FAF1: variants seen among roughly 807,000 people sequenced by gnomAD.
The protein encoded by FAF1 is Fas associated factor 1, also known as FAS-associated factor 1.
Under a neutral mutation model 92.5 loss-of-function variants are expected in FAF1, and 25 were observed. That is an observed-to-expected ratio of 0.27 (90% CI 0.20 to 0.38). The LOEUF (loss-of-function observed/expected upper bound fraction) is 0.38, where lower values mean the gene tolerates loss of function less well. Among genes scored for constraint, FAF1 ranks in the 10% least tolerant of loss-of-function variants. The pLI is 1.00. For missense variants in FAF1, 636 were observed against 793.3 expected, an observed-to-expected ratio of 0.80 and a Z score of 2.38; for synonymous variants, 234 against 273.2, an observed-to-expected ratio of 0.86 and a Z score of 1.42.
intron 1 of FAF1, among the ~76,000 whole-genome samples, chr1:50,934,855 G>C (rs971968429): frequency 4.0e-5 from 6 of 151,880 alleles, no homozygotes; most frequent in Non-Finnish European, 8.8e-5. Context: ...ATTATCCTCT[G>C]TATTCCACTG....
At chr1:50,724,276 T>TACACACACACACACAC (rs1281878722) in intron 6 of FAF1, among the ~76,000 whole-genome samples, 3 of 114,892 alleles carry the variant, frequency 2.6e-5, no homozygotes, top group Admixed American at 9.4e-5. Flanking sequence ...TATATACATA[T>TACACACACACACACAC]ACACACACAC....
intron 8 of FAF1, among the ~76,000 whole-genome samples, chr1:50,633,849 A>AT (rs1557446300): frequency 6.6e-6 from 1 of 152,160 alleles, no homozygotes; most frequent in Non-Finnish European, 1.5e-5. Context: ...GCTGTCTGTA[A>AT]TTTTATCTCT....
chr1:50,542,120 A>T (rs1181650334), intron 13 of FAF1, among the ~76,000 whole-genome samples: 1 of 152,312 alleles, frequency 6.6e-6, no homozygotes, highest in East Asian at 1.9e-4. Flanking sequence ...CAACCAGCTG[A>T]CACTTTATGG....
intron 4 of FAF1, chr1:50,780,483 C>T (rs12089747): frequency 0.11 from 20,469 of 184,798 alleles, 1,387 homozygotes; most frequent in African/African-American, 0.2. Flanking sequence ...CACACAACAC[C>T]GGTAGAGACA....
intron 4 of FAF1, among the ~76,000 whole-genome samples, chr1:50,757,220 TGAG>T (rs1313781768): frequency 1.3e-5 from 2 of 152,218 alleles, no homozygotes; most frequent in Admixed American, 6.5e-5. Flanking sequence ...GCTGTTATAA[TGAG>T]GAGTATTATA....
At chr1:50,547,704 G>A (rs543652807) in intron 13 of FAF1, among the ~76,000 whole-genome samples, 9 of 152,242 alleles carry the variant, frequency 5.9e-5, no homozygotes, top group Admixed American at 3.3e-4. Flanking sequence ...GTGAGCCACC[G>A]CGCCCGGCAA....
intron 1 of FAF1, among the ~76,000 whole-genome samples, chr1:50,906,955 G>C (rs1644844043): frequency 6.6e-6 from 1 of 152,158 alleles, no homozygotes; most frequent in Non-Finnish European, 1.5e-5. Flanking sequence ...CCTGTCTTGT[G>C]ACAGTTTTCA....
chr1:50,917,624 A>AAAAGGAAAGGAAAAAGG (rs1644928078), intron 1 of FAF1, among the ~76,000 whole-genome samples: 1 of 72,248 alleles, frequency 1.4e-5, no homozygotes, highest in Non-Finnish European at 2.7e-5. Context: ...AGGGAAAGGA[A>AAAAGGAAAGGAAAAAGG]AAAGGAAAGG....
chr1:50,470,756 G>A (rs1646561654), intron 18 of FAF1: 3 of 152,190 alleles, frequency 2.0e-5, no homozygotes, highest in Admixed American at 2.0e-4. Flanking sequence ...AAGTTCAGCA[G>A]GGTCAAGTAA....
intron 17 of FAF1, among the ~76,000 whole-genome samples, chr1:50,478,942 T>C (rs982520350): frequency 3.9e-5 from 6 of 152,220 alleles, no homozygotes; most frequent in African/African-American, 1.4e-4. Context: ...AGTTTCAAAG[T>C]CAACATATCT....
intron 13 of FAF1, among the ~76,000 whole-genome samples, chr1:50,545,323 G>A (rs1648956585): frequency 6.6e-6 from 1 of 152,144 alleles, no homozygotes; most frequent in African/African-American, 2.4e-5. Context: ...CACCCAGGCT[G>A]GAGTGCAGTG....
Position 50,764,291 on chromosome 1 carries a change from T to G in FAF1, c.368-19516A>C, listed in dbSNP as rs1300891674. On this transcript the variant is annotated intron_variant, in intron 4 of 18. Transcript: ENST00000396153. ...CCTGTGTGCGACAAAGTCTTTTTCC[T>G]CTGGTGGGAAGGAATTCAATAGTAT... 3.3e-5 allele frequency among the ~76,000 whole-genome samples: 5 copies of G among 152,172 alleles called. No homozygotes were observed. In the East Asian group the frequency reaches 9.6e-4, roughly 29 times the overall value.
At chr1:50,521,032 T>C (rs1449301329) in intron 15 of FAF1, among the ~76,000 whole-genome samples, 3 of 152,200 alleles carry the variant, frequency 2.0e-5, no homozygotes, top group African/African-American at 4.8e-5. Flanking sequence ...CTGTTTTTTA[T>C]ATATTAATTC....
At chr1:50,701,594 G>A (rs1299589978) in intron 7 of FAF1, among the ~76,000 whole-genome samples, 1 of 152,080 alleles carries the variant, frequency 6.6e-6, no homozygotes, top group Non-Finnish European at 1.5e-5. Flanking sequence ...AGTTAAGAAA[G>A]TAGCAAGTAG....
At chr1:50,700,837 T>C (rs1282243341) in intron 7 of FAF1, among the ~76,000 whole-genome samples, 4 of 152,146 alleles carry the variant, frequency 2.6e-5, no homozygotes, top group African/African-American at 9.6e-5. Context: ...CAATCCAGAT[T>C]ATTCTAAAAT....
intron 7 of FAF1, among the ~76,000 whole-genome samples, chr1:50,689,993 C>CTTT (rs1159221059): frequency 3.0e-4 from 37 of 122,326 alleles, no homozygotes; most frequent in Non-Finnish European, 3.8e-4. Context: ...CATTATATTT[C>CTTT]TTTTTTTTTT....
At chr1:50,541,287 G>T (rs1483214858) in intron 13 of FAF1, among the ~76,000 whole-genome samples, 2 of 152,160 alleles carry the variant, frequency 1.3e-5, no homozygotes, top group African/African-American at 4.8e-5. Flanking sequence ...TTCATTGGAA[G>T]GCAGGTTTAA....
chr1:50,546,486 T>C (rs1159318060), intron 13 of FAF1, among the ~76,000 whole-genome samples: 2 of 151,988 alleles, frequency 1.3e-5, no homozygotes, highest in East Asian at 3.9e-4. Context: ...CTGCCTCAGC[T>C]ACCTGAGTAG....
intron 8 of FAF1, among the ~76,000 whole-genome samples, chr1:50,638,705 A>T (rs928136850): frequency 6.6e-6 from 1 of 152,026 alleles, no homozygotes; most frequent in Non-Finnish European, 1.5e-5. Context: ...TGGCTTCCCA[A>T]AGTGCTGGGA....
Sources: gnomAD v4.1 joint callset for allele counts (sites outside exome capture counted in the v4.1 genomes callset) on GRCh38, gnomAD v4.1.1 for gene constraint, MANE v1.5 for transcripts, NCBI Gene and HGNC (gene_info 2026-07-23, HGNC 2026-07-21) for gene names.